DMD: variants seen among roughly 807,000 people sequenced by gnomAD.
The protein encoded by DMD is mutant dystrophin.
In DMD, 63 loss-of-function variants were observed where a neutral mutation model predicts 330.1. The observed-to-expected ratio is 0.19, with a 90% CI of 0.16 to 0.24. The LOEUF (loss-of-function observed/expected upper bound fraction) is 0.24, where lower values mean the gene tolerates loss of function less well. DMD is among the 10% of genes least tolerant of loss of function. The pLI is 1.00. For synonymous variants in DMD, 1,223 were observed against 959.8 expected, an observed-to-expected ratio of 1.27 and a Z score of -5.07; for missense variants, 3,344 against 2,684.1, an observed-to-expected ratio of 1.25 and a Z score of -5.43.
In DMD at chrX:32,094,963, G is replaced by A. The variant is rs150675611; in HGVS notation, c.6438+121953C>T. On this transcript the variant is annotated intron_variant, in intron 44 of 78. Transcript: ENST00000357033. The stretch of plus-strand genomic sequence containing the variant: ...CTTGAGCAAGTGTCTTGTGATGATG[G>A]GTGTAATTTGTACCTTGCATGAGGG... Among the ~76,000 whole-genome samples, 953 of 111,280 alleles carry A rather than the reference G, an allele frequency of 8.6e-3. 13 individuals are homozygous for A. Among genetic ancestry groups the A allele is most frequent in the African/African-American group, 0.03 (907 of 30,595 alleles).
At chrX:31,606,376 G>A (rs982038669) in intron 55 of DMD, among the ~76,000 whole-genome samples, 26 of 111,719 alleles carry the variant, frequency 2.3e-4, no homozygotes, top group African/African-American at 8.1e-4. Flanking sequence ...TCATATAGGT[G>A]GATAAACTGA....
intron 15 of DMD, 40 bp downstream of exon 15, chrX:32,573,490 T>A (rs1479544687): frequency 1.9e-6 from 2 of 1,031,408 alleles, no homozygotes. Context: ...TATACAGTAC[T>A]GGGTTTTTAT....
At chrX:31,192,669 C>A (rs755804253) in intron 67 of DMD, among the ~76,000 whole-genome samples, 8 of 111,726 alleles carry the variant, frequency 7.2e-5, no homozygotes, top group South Asian at 3.8e-4. Context: ...TTTGAGATAA[C>A]CTGTTTTAAC....
In DMD at chrX:31,536,312, G is replaced by T. The variant is rs749273239; in HGVS notation, c.8218-28859C>A. On this transcript the variant is annotated intron_variant, in intron 55 of 78. Coordinates refer to ENST00000357033, the MANE Select transcript of DMD (RefSeq NM_004006.3). ...GATTTTGCAGTATCTTTTATCAGTA[G>T]ATTTCATGGCAGTTGCTGTATATTT... 3.6e-5 allele frequency among the ~76,000 whole-genome samples: 4 copies of T among 111,889 alleles called. No individual in the cohort carries two copies. The South Asian group carries it at 1.5e-3, about 42-fold the overall frequency.
intron 2 of DMD, among the ~76,000 whole-genome samples, chrX:32,935,863 T>A (rs1242343031): frequency 9.0e-6 from 1 of 111,613 alleles, no homozygotes; most frequent in Non-Finnish European, 1.9e-5. Flanking sequence ...ACCTTCCTTT[T>A]TCATCCTGCC....
chrX:33,336,252 CGTGTGTGT>C, intron 1 of DMD, among the ~76,000 whole-genome samples: 1 of 97,957 alleles, frequency 1.0e-5, no homozygotes, highest in Middle Eastern at 5.4e-3. Flanking sequence ...TTTTCCAAAG[CGTGTGTGT>C]GTGTGTGTGT....
chrX:31,583,695 T>C (rs1276464840), intron 55 of DMD, among the ~76,000 whole-genome samples: 1 of 110,439 alleles, frequency 9.1e-6, no homozygotes, highest in African/African-American at 3.3e-5. Context: ...GTTTGTTACA[T>C]AGGTAAACAT....
At chrX:32,549,225 T>A (rs2049279016) in intron 16 of DMD, among the ~76,000 whole-genome samples, 1 of 111,701 alleles carries the variant, frequency 9.0e-6, no homozygotes. Flanking sequence ...GTTTATACAC[T>A]GTGACATTTG....
At chrX:32,305,880 G>T (rs929177156) in intron 42 of DMD, among the ~76,000 whole-genome samples, 1 of 110,249 alleles carries the variant, frequency 9.1e-6, no homozygotes, top group Non-Finnish European at 1.9e-5. Context: ...CCACATTTGG[G>T]CCTCTACTCT....
chrX:33,272,063 T>C (rs2053166861), intron 1 of DMD, among the ~76,000 whole-genome samples: 1 of 110,374 alleles, frequency 9.1e-6, no homozygotes, highest in Admixed American at 9.7e-5. Flanking sequence ...TTTGTATTTT[T>C]AGTAGAGACA....
rs766246643 is a variant in DMD, at chrX:32,475,898, G to A, written c.2804-3589C>T. Reference sequence around the variant, plus strand: ...TTCTCTTGTCTGACTGCTCTGGCTAGGACTTCTAGTACTATGCTGAAGAGG... The same window carrying A: ...TTCTCTTGTCTGACTGCTCTGGCTAAGACTTCTAGTACTATGCTGAAGAGG... On this transcript the variant is annotated intron_variant, in intron 21 of 78. Transcript: ENST00000357033. Among the ~76,000 whole-genome samples the A allele has an allele frequency of 3.5e-4, 39 of 110,844 alleles. 1 individual carries two copies. Among genetic ancestry groups the A allele is most frequent in the East Asian group, 2.8e-4 (1 of 3,517 alleles).
chrX:31,125,732 G>A (rs746095945), intron 78 of DMD, among the ~76,000 whole-genome samples: 11 of 112,023 alleles, frequency 9.8e-5, no homozygotes, highest in Non-Finnish European at 1.7e-4. Context: ...ATCTTTCACC[G>A]TAAAACCTGA....
chrX:33,199,517 G>A (rs1359468715), intron 1 of DMD, among the ~76,000 whole-genome samples: 1 of 111,092 alleles, frequency 9.0e-6, no homozygotes, highest in African/African-American at 3.3e-5. Context: ...AGAGGGAGGT[G>A]ACTATCACAT....
chrX:32,356,107 C>G (rs1196028700), intron 37 of DMD, among the ~76,000 whole-genome samples: 1 of 110,189 alleles, frequency 9.1e-6, no homozygotes, highest in Non-Finnish European at 1.9e-5. Flanking sequence ...TCCAATACAT[C>G]TTCATTGGAC....
chrX:31,926,052 A>G (rs1272050064), intron 47 of DMD, among the ~76,000 whole-genome samples: 1 of 110,697 alleles, frequency 9.0e-6, no homozygotes, highest in Non-Finnish European at 1.9e-5. Flanking sequence ...AAATACAAAG[A>G]AATATGAAGA....
intron 1 of DMD, chrX:33,128,982 C>T (rs1603332269): frequency 1.8e-5 from 2 of 111,604 alleles, no homozygotes; most frequent in African/African-American, 6.5e-5. Flanking sequence ...CCACATAAAC[C>T]CTGTGTTTTA....
chrX:31,390,735 C>T (rs922391391), intron 60 of DMD, among the ~76,000 whole-genome samples: 2 of 111,946 alleles, frequency 1.8e-5, no homozygotes, highest in African/African-American at 3.2e-5. Context: ...ACTGCAAATG[C>T]CTCTTACCTG....
chrX:32,503,210 C>T (rs910537545), intron 18 of DMD, among the ~76,000 whole-genome samples: 6 of 110,526 alleles, frequency 5.4e-5, no homozygotes, highest in Non-Finnish European at 7.6e-5. Context: ...CGAGAGACCT[C>T]CATCTCTAAA....
At chrX:31,434,293 G>T (rs2064303351) in intron 60 of DMD, among the ~76,000 whole-genome samples, 1 of 110,462 alleles carries the variant, frequency 9.1e-6, no homozygotes, top group Admixed American at 9.7e-5. Context: ...TAAAACAAAA[G>T]ATATAGATGA....
Sources: allele counts gnomAD v4.1 joint callset (sites outside exome capture counted in the v4.1 genomes callset), GRCh38; gene constraint gnomAD v4.1.1; transcripts MANE v1.5; gene names NCBI Gene and HGNC (gene_info 2026-07-23, HGNC 2026-07-21).